Variants in TENM4 observed in about 807,000 individuals in gnomAD.
The protein encoded by TENM4 is teneurin-4.
TENM4 carries 82 observed loss-of-function variants against 243.3 expected under a neutral mutation model. That is an observed-to-expected ratio of 0.34 (90% confidence interval 0.28 to 0.40). The LOEUF (loss-of-function observed/expected upper bound fraction) is 0.40, where lower values mean the gene tolerates loss of function less well. TENM4 is among the 10% of genes least tolerant of loss of function. The pLI is 1.00. For missense variants in TENM4, 3,138 were observed against 3,673.3 expected (o/e 0.85, Z 3.77); for synonymous variants, 1,412 against 1,456.3 (o/e 0.97, Z 0.69).
intron 1 of TENM4, among the ~76,000 whole-genome samples, chr11:79,390,363 T>C (rs1398771519): frequency 6.6e-6 from 1 of 152,220 alleles, no homozygotes; most frequent in Non-Finnish European, 1.5e-5. Context: ...TCTGCTCTTC[T>C]TCCAAAAGAC....
In TENM4 at chr11:78,868,395, CT is replaced by C. The variant is rs1439850410; in HGVS notation, c.1085-5264del. Among the ~76,000 whole-genome samples, 3 of 152,130 alleles carry C rather than the reference CT, an allele frequency of 2.0e-5. No individual in the cohort carries two copies. In the East Asian group the frequency reaches 5.8e-4, roughly 29 times the overall value. On this transcript the variant is annotated intron_variant, in intron 9 of 33. Transcript: ENST00000278550. ...AGATGCTAAGGAGTTCAGAAAAAGG[CT>C]GTGGAAAGGTAGCTGGTTCACAAGA...
chr11:78,941,142 G>A lies in TENM4; in HGVS notation c.494-37619C>T, dbSNP rs550680105. Among the ~76,000 whole-genome samples, 12 of 152,312 alleles carry A rather than the reference G, an allele frequency of 7.9e-5. No homozygotes were observed. In the South Asian group the frequency reaches 8.3e-4, roughly 11 times the overall value. On this transcript the variant is annotated intron_variant, in intron 6 of 33. Transcript: ENST00000278550. ...TGCAAAGACTGTCAGCTCTAGCACC[G>A]GATCCCCGTGGGCTTGACACTTGCT...
At chr11:78,847,701 C>T (rs879735492) in intron 12 of TENM4, among the ~76,000 whole-genome samples, 5 of 152,136 alleles carry the variant, frequency 3.3e-5, no homozygotes, top group Non-Finnish European at 5.9e-5. Context: ...TAATTTATTA[C>T]CAAGAGACCT....
At chr11:78,728,992 A>C (rs1615311) in intron 22 of TENM4, among the ~76,000 whole-genome samples, 4 of 74,132 alleles carry the variant, frequency 5.4e-5, no homozygotes, top group Non-Finnish European at 9.1e-5. Flanking sequence ...ACTGCACCTC[A>C]AAAAAAAAAA....
intron 7 of TENM4, among the ~76,000 whole-genome samples, chr11:78,894,864 C>T (rs552112322): frequency 6.1e-4 from 93 of 151,386 alleles, no homozygotes; most frequent in African/African-American, 2.1e-3. Flanking sequence ...CATGGTGCCA[C>T]GTGCCTGTAG....
intron 19 of TENM4, among the ~76,000 whole-genome samples, chr11:78,743,507 G>A (rs1367699827): frequency 2.0e-5 from 3 of 152,146 alleles, no homozygotes; most frequent in East Asian, 1.9e-4. Flanking sequence ...GTAACTTAAG[G>A]TGAGGGCGAT....
chr11:79,258,481 C>A (rs1855738572), intron 2 of TENM4, among the ~76,000 whole-genome samples: 1 of 152,144 alleles, frequency 6.6e-6, no homozygotes, highest in Non-Finnish European at 1.5e-5. Flanking sequence ...CTCATCCTTC[C>A]TTGGTAAGGG....
At chr11:78,998,737 T>C (rs959921443) in intron 6 of TENM4, among the ~76,000 whole-genome samples, 3 of 152,144 alleles carry the variant, frequency 2.0e-5, no homozygotes, top group Admixed American at 1.3e-4. Context: ...GCTGGTGGCA[T>C]TGTCGTAAAA....
At chr11:78,975,707 T>C (rs1463223405) in intron 6 of TENM4, among the ~76,000 whole-genome samples, 1 of 150,234 alleles carries the variant, frequency 6.7e-6, no homozygotes. Context: ...CAGAATCTAA[T>C]AGTCCAGCCT....
At chr11:79,266,310 A>G (rs1175137891) in intron 2 of TENM4, among the ~76,000 whole-genome samples, 1 of 152,240 alleles carries the variant, frequency 6.6e-6, no homozygotes, top group African/African-American at 2.4e-5. Context: ...AGTGTCAACC[A>G]TACCAAGCAC....
intron 6 of TENM4, among the ~76,000 whole-genome samples, chr11:79,047,962 T>G (rs1170505579): frequency 3.3e-5 from 5 of 152,168 alleles, no homozygotes; most frequent in African/African-American, 1.2e-4. Flanking sequence ...ATAACACCTA[T>G]TAAGTTATTT....
intron 3 of TENM4, among the ~76,000 whole-genome samples, chr11:79,152,575 A>G (rs148183981): frequency 3.0e-4 from 45 of 152,334 alleles, no homozygotes; most frequent in Non-Finnish European, 5.1e-4. Context: ...AATGGATTAC[A>G]ACAATTTATT....
intron 4 of TENM4, among the ~76,000 whole-genome samples, chr11:79,138,730 A>G (rs1418847064): frequency 8.9e-6 from 1 of 112,064 alleles, no homozygotes; most frequent in African/African-American, 3.6e-5. Flanking sequence ...TTATATTTAT[A>G]TAAATACATA....
intron 6 of TENM4, among the ~76,000 whole-genome samples, chr11:79,011,719 T>C (rs946015410): frequency 1.6e-4 from 25 of 152,230 alleles, no homozygotes; most frequent in African/African-American, 5.8e-4. Context: ...CTGCCCCACC[T>C]GCTGGGAGAA....
intron 4 of TENM4, among the ~76,000 whole-genome samples, chr11:79,091,057 G>C (rs1367306111): frequency 6.6e-6 from 1 of 152,156 alleles, no homozygotes; most frequent in East Asian, 1.9e-4. Context: ...AGGAGAAAGG[G>C]GAAGGAGTAG....
At chr11:79,341,946 T>A (rs1450490625) in intron 1 of TENM4, among the ~76,000 whole-genome samples, 3 of 152,134 alleles carry the variant, frequency 2.0e-5, no homozygotes, top group Non-Finnish European at 4.4e-5. Context: ...AAAATGGATA[T>A]AAGAATCCTA....
At chr11:78,850,616 G>C (rs1858513313) in intron 12 of TENM4, among the ~76,000 whole-genome samples, 1 of 152,034 alleles carries the variant, frequency 6.6e-6, no homozygotes, top group Admixed American at 6.5e-5. Context: ...TTGTATTAGA[G>C]AAAAAAACAG....
chr11:79,420,999 C>A (rs572504110), intron 1 of TENM4, among the ~76,000 whole-genome samples: 1 of 152,278 alleles, frequency 6.6e-6, no homozygotes, highest in South Asian at 2.1e-4. Flanking sequence ...CTTGTGTGTG[C>A]ATTAGATGAG....
chr11:79,288,319 C>A (rs944460158), intron 2 of TENM4, among the ~76,000 whole-genome samples: 2 of 152,216 alleles, frequency 1.3e-5, no homozygotes, highest in African/African-American at 2.4e-5. Context: ...AAACAGTAAG[C>A]TAGTAGACTT....
Sources: allele counts gnomAD v4.1 joint callset (sites outside exome capture counted in the v4.1 genomes callset), GRCh38; gene constraint gnomAD v4.1.1; transcripts MANE v1.5; gene names NCBI Gene and HGNC (gene_info 2026-07-23, HGNC 2026-07-21).